The following CFAP65 variants were observed in gnomAD, a reference collection of about 807,000 sequenced individuals.
CFAP65 encodes cilia- and flagella-associated protein 65.
A neutral mutation model predicts 208.0 loss-of-function variants in CFAP65; 155 were observed. The observed-to-expected ratio is 0.75, with a 90% confidence interval of 0.65 to 0.85. The LOEUF is 0.85. Among genes scored for constraint, CFAP65 ranks in the 40% least tolerant of loss-of-function variants. The pLI is 0.00. For synonymous variants in CFAP65, 970 were observed against 986.3 expected, an observed-to-expected ratio of 0.98 and a Z score of 0.31; for missense variants, 2,294 against 2,451.3, an observed-to-expected ratio of 0.94 and a Z score of 1.36.
At chr2:219,017,633 G>C (rs911427940) in intron 21 of CFAP65, among the ~76,000 whole-genome samples, 1 of 152,248 alleles carries the variant, frequency 6.6e-6, no homozygotes, top group Non-Finnish European at 1.5e-5. Flanking sequence ...CCGGCTGGCC[G>C]GGCATGCTGC....
At position 219,024,489 on chromosome 2, in the gene CFAP65, G is replaced by A. The variant is rs550655967; in HGVS notation, c.2350-229C>T. Among the ~76,000 whole-genome samples the A allele has an allele frequency of 2.0e-4, 30 of 146,720 alleles. 1 individual carries two copies. The highest frequency in any genetic ancestry group is 7.7e-4 in the African/African-American group (30 of 38,880). ...CCAGAAAGGGGCGGGGGGGGGGCAG[G>A]GGGGCGGGGGCACAGGCCCCTGGGA... On this transcript the variant is annotated intron_variant, in intron 14 of 34. Coordinates refer to ENST00000341552, the MANE Select transcript of CFAP65 (RefSeq NM_194302.4).
upstream of CFAP65, chr2:219,041,537 C>T: frequency 6.4e-7 from 1 of 1,550,504 alleles, no homozygotes; most frequent in Non-Finnish European, 8.7e-7. Flanking sequence ...CAGGAAACGG[C>T]GTCTTCAGAT....
In CFAP65 at chr2:219,019,047, A is replaced by G; in HGVS notation, c.3602+4T>C. The G allele has an allele frequency of 1.2e-6, 2 of 1,614,188 alleles. No individual in the cohort carries two copies. Among genetic ancestry groups the G allele is most frequent in the East Asian group, 2.2e-5 (1 of 44,886 alleles). ...GCCCCCCAGTGGCCCCCTTCAAGCCATACCAGTCCAGGGACACCACTCCGC... is the reference window on the plus strand; with the variant it reads ...GCCCCCCAGTGGCCCCCTTCAAGCCGTACCAGTCCAGGGACACCACTCCGC... On this transcript the variant is annotated splice_donor_region_variant and intron_variant, in intron 21 of 34. Transcript: ENST00000341552.
At chr2:219,013,116 C>T in intron 24 of CFAP65, 143 bp downstream of exon 24, 1 of 654,866 alleles carries the variant, frequency 1.5e-6, no homozygotes, top group Non-Finnish European at 2.8e-6. Context: ...CCCAGTTGCC[C>T]AGTCTGGGGG....
At chr2:219,029,957 C>G (rs1181694200) in intron 10 of CFAP65, 29 bp downstream of exon 10, 2 of 1,603,052 alleles carry the variant, frequency 1.2e-6, no homozygotes, top group Admixed American at 1.7e-5. Flanking sequence ...GCTCCTGTCC[C>G]CAGGGGAGGC....
At chr2:219,005,366 G>T (rs1945890359) in intron 32 of CFAP65, 68 bp downstream of exon 32, 3 of 1,592,970 alleles carry the variant, frequency 1.9e-6, no homozygotes, top group African/African-American at 2.7e-5. Flanking sequence ...TGGAATGTAA[G>T]GGGCTCTGGC....
In CFAP65 at chr2:219,013,332, T is replaced by C; in HGVS notation, c.3884A>G (p.Lys1295Arg). 1.2e-6 allele frequency: 2 copies of C among 1,614,008 alleles called. No homozygotes were observed. The highest frequency in any genetic ancestry group is 1.7e-6 in the Non-Finnish European group (2 of 1,179,962). The change falls in exon 24 of 35, where the codon AAG (lysine) becomes AGG (arginine). Residue 1295 changes from lysine (K) to arginine (R), a missense_variant. Lys to Arg is a conservative substitution (Grantham distance 26). Coordinates refer to ENST00000341552, the MANE Select transcript of CFAP65 (RefSeq NM_194302.4). ...GGTAGTAGAGGTGAAGTGCACATAC[T>C]TCTGCTCCGGCTTCACTGTCACACC... The part of the protein sequence containing the change: ...FIGVTVKPEQ[K>R]YVHFTSTTHQ...
Position 219,013,911 on chromosome 2 carries a change from T to G in CFAP65, c.3736A>C (p.Ser1246Arg). 6.2e-7 allele frequency: 1 copy of G among 1,613,646 alleles called. No individual in the cohort carries two copies. Among genetic ancestry groups the G allele is most frequent in the African/African-American group, 1.3e-5 (1 of 75,044 alleles). ...CLFSISPKAGSLSPGQEQMVE... is the reference protein window; with the variant it reads ...CLFSISPKAGRLSPGQEQMVE... ...ATCTGCTCCTGCCCAGGACTCAGGCTCCCAGCCTTGGGGCTGATGGAGAAG... is the reference window on the plus strand; with the variant it reads ...ATCTGCTCCTGCCCAGGACTCAGGCGCCCAGCCTTGGGGCTGATGGAGAAG... The change falls in exon 22 of 35, where the codon AGC becomes CGC. Residue 1246 changes from serine (S) to arginine (R), a missense_variant. Ser to Arg is a moderately radical substitution (Grantham distance 110). Coordinates refer to ENST00000341552, the MANE Select transcript of CFAP65 (RefSeq NM_194302.4).
At chr2:219,018,869 G>A (rs1208444774) in intron 21 of CFAP65, 182 bp downstream of exon 21, 1 of 747,588 alleles carries the variant, frequency 1.3e-6, no homozygotes, top group Admixed American at 2.4e-5. Flanking sequence ...GCCGGTGACA[G>A]GCCCGGAGTC....
intron 2 of CFAP65, among the ~76,000 whole-genome samples, chr2:219,040,052 A>ATTT (rs1948579273): frequency 1.4e-5 from 2 of 147,064 alleles, no homozygotes; most frequent in African/African-American, 2.5e-5. Context: ...TTATTTATTT[A>ATTT]AGACAGACTC....
Position 219,029,628 on chromosome 2 carries a change from G to A in CFAP65, c.1425C>T (p.Ser475=), listed in dbSNP as rs1947880170. The A allele has an allele frequency of 1.2e-6, 2 of 1,614,024 alleles. No homozygotes were observed. Among genetic ancestry groups the A allele is most frequent in the African/African-American group, 1.3e-5 (1 of 74,920 alleles). The part of the protein sequence containing the change: ...VSLQHYCVNF[S]WVNLGERSEQ... ...CGGAGCGCTCCCCAAGGTTGACCCA[G>A]CTGAAGTTGACACAGTAGTGCTGCA... The change falls in exon 11 of 35, where the codon AGC becomes AGT. Residue 475 remains serine (S), a synonymous_variant. Coordinates refer to ENST00000341552, the MANE Select transcript of CFAP65 (RefSeq NM_194302.4).
chr2:219,021,252 G>T lies in CFAP65; in HGVS notation c.3159C>A (p.Ser1053Arg). The T allele has an allele frequency of 6.2e-7, 1 of 1,605,684 alleles. No individual in the cohort carries two copies. Among genetic ancestry groups the T allele is most frequent in the Non-Finnish European group, 8.5e-7 (1 of 1,175,672 alleles). Residue 1053 changes from serine to arginine, a missense_variant, in exon 19 of 35, where the codon AGC becomes AGA. Ser to Arg is a moderately radical substitution (Grantham distance 110). Transcript: ENST00000341552. ...LALQLDRTEG[S>R]MPPRSQDTIC... ...TGGTGTCCTGGGACCGGGGTGGCATGCTCCCCTCTGTTCGGTCCAGCTGCA... is the reference window on the plus strand; with the variant it reads ...TGGTGTCCTGGGACCGGGGTGGCATTCTCCCCTCTGTTCGGTCCAGCTGCA...
chr2:219,038,810 A>G lies in CFAP65; in HGVS notation c.153+86T>C, dbSNP rs986524981. 7.1e-6 allele frequency: 10 copies of G among 1,408,926 alleles called. No individual in the cohort carries two copies. In the African/African-American group the frequency reaches 1.2e-4, roughly 16 times the overall value. 87.3% of individuals were successfully genotyped at this position (1,408,926 alleles called of 1,614,324 possible). On this transcript the variant is annotated intron_variant, in intron 3 of 34. Coordinates refer to ENST00000341552, the MANE Select transcript of CFAP65 (RefSeq NM_194302.4). ...GCACTCCAAAGAGGGACTTGGGGAC[A>G]AGGCCCACCCCACTAGGCCCCTCCA...
In CFAP65 at chr2:219,013,960, C is replaced by G; in HGVS notation, c.3687G>C (p.Gln1229His). The G allele has an allele frequency of 1.2e-6, 2 of 1,613,626 alleles. No individual in the cohort carries two copies. Among genetic ancestry groups the G allele is most frequent in the Non-Finnish European group, 1.7e-6 (2 of 1,179,836 alleles). ...AGAGGCAATTGTCCTGCACGCGCAT[C>G]TGGTGGAGCTCAGTGGAATTCAACT... ...QAELNSTELH[Q>H]MRVQDNCLFS... is the part of the protein sequence containing the mutation. The change falls in exon 22 of 35, where the codon CAG becomes CAC. Residue 1229 changes from glutamine to histidine, a missense_variant. By Grantham distance (24) the Gln-to-His change is conservative (BLOSUM62 0). Coordinates refer to ENST00000341552, the MANE Select transcript of CFAP65 (RefSeq NM_194302.4).
rs73993388 is a variant in CFAP65, at chr2:219,003,901, A to C, written c.5555+51T>G. On this transcript the variant is annotated intron_variant, in intron 33 of 34. Coordinates refer to ENST00000341552, the MANE Select transcript of CFAP65 (RefSeq NM_194302.4). The surrounding 1 kb of genome is among the most constrained non-coding windows in gnomAD (Gnocchi z 4.4). ...CTTGGCATCCCACTGCCTCCTAGGA[A>C]CCTTCTGCACTTCGCCTCCCTCCCG... is the stretch of plus-strand genomic sequence containing the variant. 3.6e-3 allele frequency: 5,647 copies of C among 1,567,716 alleles called. 176 individuals carry two copies. In the African/African-American group the frequency reaches 0.067, roughly 19 times the overall value.
Position 219,028,318 on chromosome 2 carries a change from C to A in CFAP65, c.1734G>T (p.Trp578Cys). 1 of 1,614,010 alleles carries A rather than the reference C, an allele frequency of 6.2e-7. No homozygotes were observed. The highest frequency in any genetic ancestry group is 1.1e-5 in the South Asian group (1 of 91,068). Reference sequence around the variant, plus strand: ...GGCCCCGGGCCAGGTGTGTGCGGTACCAGGTGAGGTGCTGAGGCTTCAGGA... The same window carrying A: ...GGCCCCGGGCCAGGTGTGTGCGGTAACAGGTGAGGTGCTGAGGCTTCAGGA... The part of the protein sequence containing the change: ...PAILKPQHLT[W>C]YRTHLARGLT... Residue 578 changes from tryptophan (W) to cysteine (C), a missense_variant, in exon 12 of 35, where the codon TGG becomes TGT. By Grantham distance (215) the Trp-to-Cys change is radical (BLOSUM62 -2). Coordinates refer to ENST00000341552, the MANE Select transcript of CFAP65 (RefSeq NM_194302.4).
Position 219,004,458 on chromosome 2 carries a change from A to G in CFAP65, c.5052-3T>C. ...AGTTCTTGTCTTCCAGCAGGCCCCT[A>G]GGTGGCAGGGAGAAGGAGAAGGCCC... is the stretch of plus-strand genomic sequence containing the variant. On this transcript the variant is annotated splice_polypyrimidine_tract_variant and splice_region_variant and intron_variant, in intron 32 of 34. Transcript: ENST00000341552. The surrounding 1 kb of genome is among the most constrained non-coding windows in gnomAD (Gnocchi z 4.7). The G allele has an allele frequency of 6.2e-7, 1 of 1,600,654 alleles. No homozygotes were observed. Among genetic ancestry groups the G allele is most frequent in the Non-Finnish European group, 8.5e-7 (1 of 1,173,380 alleles).
At chr2:219,026,393 G>T (rs1014584419) in intron 13 of CFAP65, among the ~76,000 whole-genome samples, 4 of 152,206 alleles carry the variant, frequency 2.6e-5, no homozygotes, top group African/African-American at 9.7e-5. Context: ...AACCCGGGAG[G>T]AGGGTGGGGC....
chr2:219,040,623 G>C, intron 1 of CFAP65, 59 bp from the exon 2 acceptor site: 1 of 1,552,058 alleles, frequency 6.4e-7, no homozygotes, highest in Non-Finnish European at 8.7e-7. Flanking sequence ...TTGCAGCCCT[G>C]TCCTGACTCA....
Sources: allele counts gnomAD v4.1 joint callset (sites outside exome capture counted in the v4.1 genomes callset), GRCh38; gene constraint gnomAD v4.1.1; non-coding constraint Gnocchi (gnomAD v3.1); transcripts MANE v1.5; gene names NCBI Gene and HGNC (gene_info 2026-07-23, HGNC 2026-07-21).